The following NAALADL2 variants were observed in gnomAD, a reference collection of about 807,000 sequenced individuals.
The protein encoded by NAALADL2 is inactive N-acetylated-alpha-linked acidic dipeptidase-like protein 2.
NAALADL2 carries 76 observed loss-of-function variants against 87.2 expected under a neutral mutation model. The observed-to-expected ratio is 0.87, with a 90% CI of 0.72 to 1.05. The LOEUF (loss-of-function observed/expected upper bound fraction) is 1.05. Among genes scored for constraint, NAALADL2 ranks in the 50% least tolerant of loss-of-function variants. The pLI is 0.00. For synonymous variants in NAALADL2, 354 were observed against 331.0 expected, an observed-to-expected ratio of 1.07 and a Z score of -0.75; for missense variants, 1,089 against 945.8, an observed-to-expected ratio of 1.15 and a Z score of -1.99.
intron 2 of NAALADL2, among the ~76,000 whole-genome samples, chr3:175,221,758 G>GTTATTTATTTATTTATTTATTTATTTAT (rs58596469): frequency 6.7e-6 from 1 of 148,976 alleles, no homozygotes; most frequent in Non-Finnish European, 1.5e-5. Flanking sequence ...ATATTCAGTG[G>GTTATTTATTTATTTATTTATTTATTTAT]TTATTTATTT....
chr3:175,342,505 CGTGTGTGT>C (rs35444340), intron 5 of NAALADL2, among the ~76,000 whole-genome samples: 1 of 146,620 alleles, frequency 6.8e-6, no homozygotes, highest in Non-Finnish European at 1.5e-5. Flanking sequence ...CCAAATATTG[CGTGTGTGT>C]GTGTGTGTGT....
intron 5 of NAALADL2, among the ~76,000 whole-genome samples, chr3:175,413,970 C>A (rs1379295827): frequency 6.6e-6 from 1 of 152,128 alleles, no homozygotes; most frequent in Non-Finnish European, 1.5e-5. Context: ...GCTGGGGAAC[C>A]ACCGTCTTCT....
intron 2 of NAALADL2, among the ~76,000 whole-genome samples, chr3:175,226,500 T>C (rs756080824): frequency 2.6e-5 from 4 of 152,084 alleles, no homozygotes; most frequent in Non-Finnish European, 4.4e-5. Context: ...TAGCACGGTA[T>C]AGTGGAAATC....
intron 1 of NAALADL2, among the ~76,000 whole-genome samples, chr3:175,003,409 G>T (rs1218827573): frequency 6.6e-6 from 1 of 152,304 alleles, no homozygotes; most frequent in African/African-American, 2.4e-5. Context: ...TGAGCAGCAT[G>T]CTAGCAGCAA....
chr3:175,581,441 C>G (rs139338444), intron 10 of NAALADL2, among the ~76,000 whole-genome samples: 24 of 152,118 alleles, frequency 1.6e-4, no homozygotes, highest in African/African-American at 4.8e-4. Context: ...GACTCTGTCT[C>G]TAAATAAATA....
intron 9 of NAALADL2, among the ~76,000 whole-genome samples, chr3:175,557,533 C>T (rs566125845): frequency 6.6e-6 from 1 of 152,198 alleles, no homozygotes; most frequent in South Asian, 2.1e-4. Flanking sequence ...ATTTACCCTC[C>T]CCACTTTCCC....
chr3:174,851,816 C>A (rs1447028600), intron 3 of NAALADL2, among the ~76,000 whole-genome samples: 8 of 152,002 alleles, frequency 5.3e-5, no homozygotes, highest in Non-Finnish European at 4.4e-5. Context: ...ATCATAGATT[C>A]CAAAATCTTC....
chr3:175,515,085 G>A (rs771699629), intron 9 of NAALADL2, among the ~76,000 whole-genome samples: 2 of 152,170 alleles, frequency 1.3e-5, no homozygotes, highest in Non-Finnish European at 2.9e-5. Flanking sequence ...CCTACCTCTT[G>A]TAGAACTATC....
chr3:175,559,321 G>GTTGTTA (rs1715879340), intron 9 of NAALADL2, among the ~76,000 whole-genome samples: 1 of 151,654 alleles, frequency 6.6e-6, no homozygotes, highest in Non-Finnish European at 1.5e-5. Flanking sequence ...TTTAAAGTTT[G>GTTGTTA]TTGTTGTTGT....
intron 9 of NAALADL2, among the ~76,000 whole-genome samples, chr3:175,505,902 G>A (rs1255825294): frequency 6.6e-6 from 1 of 152,108 alleles, no homozygotes; most frequent in East Asian, 1.9e-4. Flanking sequence ...AAAGCCTCTT[G>A]GCCTCTTGAA....
intron 9 of NAALADL2, among the ~76,000 whole-genome samples, chr3:175,551,460 T>C (rs1338809380): frequency 6.6e-6 from 1 of 152,154 alleles, no homozygotes; most frequent in Admixed American, 6.5e-5. Context: ...ATTGGTTGGC[T>C]TCACATTTTT....
chr3:175,163,567 T>A (rs1407179516), intron 2 of NAALADL2, among the ~76,000 whole-genome samples: 1 of 152,000 alleles, frequency 6.6e-6, no homozygotes, highest in African/African-American at 2.4e-5. Flanking sequence ...ATGGAGAGTG[T>A]TGAGAGTAGG....
At chr3:175,791,911 C>CA (rs201243200) in intron 13 of NAALADL2, among the ~76,000 whole-genome samples, 50,201 of 127,760 alleles carry the variant, frequency 0.39, 9,209 homozygotes, top group African/African-American at 0.51. Context: ...GTTCCCAAAG[C>CA]AAAAAAAAAA....
chr3:175,348,449 A>C (rs6783300), intron 5 of NAALADL2, among the ~76,000 whole-genome samples: 70,343 of 152,064 alleles, frequency 0.46, 17,162 homozygotes, highest in African/African-American at 0.62. Flanking sequence ...TATCACAAAC[A>C]AAATAGTATT....
At chr3:174,689,940 AT>A (rs991093310) in intron 2 of NAALADL2, among the ~76,000 whole-genome samples, 31 of 150,300 alleles carry the variant, frequency 2.1e-4, no homozygotes, top group Non-Finnish European at 4.0e-4. Context: ...CTTTTCATGC[AT>A]AAAATATTTG....
intron 3 of NAALADL2, among the ~76,000 whole-genome samples, chr3:174,750,894 C>G (rs2109037543): frequency 1.3e-5 from 2 of 152,230 alleles, no homozygotes; most frequent in Non-Finnish European, 2.9e-5. Flanking sequence ...ACAGCGCTCT[C>G]AAAACCTTTT....
chr3:174,711,435 A>T (rs1451284013), intron 2 of NAALADL2, among the ~76,000 whole-genome samples: 2 of 152,182 alleles, frequency 1.3e-5, no homozygotes, highest in African/African-American at 4.8e-5. Flanking sequence ...TATGCTTCCC[A>T]CTTACACTTC....
intron 1 of NAALADL2, among the ~76,000 whole-genome samples, chr3:175,002,970 T>G (rs1300011421): frequency 2.0e-5 from 3 of 152,218 alleles, no homozygotes; most frequent in African/African-American, 7.2e-5. Flanking sequence ...ATGAGTCTAC[T>G]GTTATGCTCA....
intron 1 of NAALADL2, among the ~76,000 whole-genome samples, chr3:174,491,876 ATGTT>A (rs1718217232): frequency 6.6e-6 from 1 of 152,178 alleles, no homozygotes; most frequent in African/African-American, 2.4e-5. Context: ...TTTCAAATGA[ATGTT>A]TATTTTTTCT....
Sources: gnomAD v4.1 joint callset for allele counts (sites outside exome capture counted in the v4.1 genomes callset) on GRCh38, gnomAD v4.1.1 for gene constraint, MANE v1.5 for transcripts, NCBI Gene and HGNC (gene_info 2026-07-23, HGNC 2026-07-21) for gene names.